The following CEP112 variants were observed in gnomAD, a reference collection of about 807,000 sequenced individuals.
CEP112 encodes centrosomal protein of 112 kDa.
In CEP112, 127 loss-of-function variants were observed where a neutral mutation model predicts 153.0. That is an observed-to-expected ratio of 0.83 (90% CI 0.72 to 0.96). The LOEUF is 0.96. CEP112 is among the 40% of genes least tolerant of loss of function. The probability of loss-of-function intolerance (pLI) is 0.00; values close to 1 mark genes in which losing one functional copy is unlikely to be tolerated. For missense variants in CEP112, 1,089 were observed against 1,101.2 expected (o/e 0.99, Z 0.16); for synonymous variants, 358 against 374.4 (o/e 0.96, Z 0.51).
chr17:65,731,222 A>T (rs1374340402), intron 23 of CEP112, among the ~76,000 whole-genome samples: 3 of 152,080 alleles, frequency 2.0e-5, no homozygotes, highest in Non-Finnish European at 1.5e-5. Context: ...CCGCGGAGAT[A>T]CTCCAAGTTC....
At chr17:66,090,816 A>C (rs2068104401) in intron 8 of CEP112, among the ~76,000 whole-genome samples, 1 of 152,104 alleles carries the variant, frequency 6.6e-6, no homozygotes, top group Admixed American at 6.5e-5. Context: ...ATGTTTAAGA[A>C]CCTACATAGA....
chr17:66,071,333 C>T (rs1310647937), intron 8 of CEP112, among the ~76,000 whole-genome samples: 1 of 152,012 alleles, frequency 6.6e-6, no homozygotes, highest in Non-Finnish European at 1.5e-5. Context: ...ATTTCTTCTT[C>T]GTTTTTGCAG....
At chr17:65,751,990 CT>C (rs2051890775) in intron 21 of CEP112, among the ~76,000 whole-genome samples, 2 of 144,610 alleles carry the variant, frequency 1.4e-5, no homozygotes, top group Admixed American at 1.4e-4. Context: ...ATCTATCTAT[CT>C]ATCTATCTAT....
chr17:65,929,243 AAAAGG>A (rs1367383279), intron 18 of CEP112, among the ~76,000 whole-genome samples: 1 of 152,192 alleles, frequency 6.6e-6, no homozygotes, highest in Non-Finnish European at 1.5e-5. Flanking sequence ...AGAAAGCGGA[AAAAGG>A]AAAAGTCAAA....
At chr17:66,050,555 ATT>A (rs1194994527) in intron 12 of CEP112, among the ~76,000 whole-genome samples, 1 of 152,230 alleles carries the variant, frequency 6.6e-6, no homozygotes, top group African/African-American at 2.4e-5. Flanking sequence ...AGATTTGGTC[ATT>A]TTTTATTTTA....
intron 1 of CEP112, among the ~76,000 whole-genome samples, chr17:66,187,095 C>T (rs2072966210): frequency 6.6e-6 from 1 of 152,126 alleles, no homozygotes; most frequent in South Asian, 2.1e-4. Context: ...CAAAATCTGC[C>T]TGCTTCTCTA....
intron 23 of CEP112, among the ~76,000 whole-genome samples, chr17:65,701,656 T>A (rs974834355): frequency 6.6e-6 from 1 of 152,266 alleles, no homozygotes; most frequent in East Asian, 1.9e-4. Context: ...CATCTCCAAC[T>A]GTCTCTCTTA....
chr17:66,154,003 GAA>G (rs59042292), intron 4 of CEP112, among the ~76,000 whole-genome samples: 51,683 of 134,392 alleles, frequency 0.38, 10,048 homozygotes, highest in Non-Finnish European at 0.46. Flanking sequence ...TCTCTACTAA[GAA>G]AAAAAAAAAA....
At chr17:65,784,265 G>A (rs2054153604) in intron 21 of CEP112, among the ~76,000 whole-genome samples, 4 of 152,202 alleles carry the variant, frequency 2.6e-5, no homozygotes, top group Admixed American at 2.6e-4. Flanking sequence ...GTGGAAACAA[G>A]ATATAACAGA....
intron 4 of CEP112, among the ~76,000 whole-genome samples, chr17:66,139,683 C>G (rs2070601893): frequency 6.6e-6 from 1 of 151,892 alleles, no homozygotes. Flanking sequence ...ATTGGATAAC[C>G]CAGATGAGAT....
chr17:65,791,676 A>G (rs767303069), intron 21 of CEP112, among the ~76,000 whole-genome samples: 12 of 152,234 alleles, frequency 7.9e-5, no homozygotes, highest in Non-Finnish European at 1.5e-4. Flanking sequence ...GAACAAAGAT[A>G]ATAACCATCA....
intron 21 of CEP112, among the ~76,000 whole-genome samples, chr17:65,761,741 T>C (rs1210439154): frequency 1.3e-5 from 2 of 152,156 alleles, no homozygotes; most frequent in Admixed American, 6.6e-5. Context: ...AGTTCCATTG[T>C]GGTCTGAGAT....
chr17:66,121,338 C>G (rs2069577034), intron 6 of CEP112, among the ~76,000 whole-genome samples: 1 of 151,800 alleles, frequency 6.6e-6, no homozygotes, highest in Admixed American at 6.6e-5. Flanking sequence ...CTAAGTGTGA[C>G]TCTTTGTATT....
At chr17:66,036,743 T>G (rs1372699810) in intron 12 of CEP112, among the ~76,000 whole-genome samples, 1 of 152,222 alleles carries the variant, frequency 6.6e-6, no homozygotes, top group African/African-American at 2.4e-5. Context: ...CCTATTCCAC[T>G]GCATTACATC....
intron 21 of CEP112, among the ~76,000 whole-genome samples, chr17:65,822,710 C>T (rs1486486154): frequency 6.6e-6 from 1 of 152,028 alleles, no homozygotes; most frequent in Non-Finnish European, 1.5e-5. Flanking sequence ...TTCCAAAATT[C>T]ACCAGTTTAT....
intron 5 of CEP112, among the ~76,000 whole-genome samples, chr17:66,131,855 G>A (rs2146538646): frequency 6.6e-6 from 1 of 151,812 alleles, no homozygotes; most frequent in Middle Eastern, 3.5e-3. Flanking sequence ...GGAATAAGCA[G>A]GCACAGTGTT....
At chr17:66,064,434 A>C (rs944564898) in intron 10 of CEP112, among the ~76,000 whole-genome samples, 2 of 152,194 alleles carry the variant, frequency 1.3e-5, no homozygotes, top group African/African-American at 4.8e-5. Context: ...TTTAAGTGAA[A>C]ATGTGTTTAA....
chr17:65,883,677 A>G (rs1598879477), intron 20 of CEP112, among the ~76,000 whole-genome samples: 1 of 152,120 alleles, frequency 6.6e-6, no homozygotes, highest in South Asian at 2.1e-4. Context: ...AGAAGTTTAT[A>G]TTTTACTCTA....
intron 21 of CEP112, among the ~76,000 whole-genome samples, chr17:65,831,715 A>G (rs2057088734): frequency 6.6e-6 from 1 of 152,190 alleles, no homozygotes; most frequent in South Asian, 2.1e-4. Flanking sequence ...AGATAATACA[A>G]TAATAGAACT....
Sources: gnomAD v4.1 joint callset for allele counts (sites outside exome capture counted in the v4.1 genomes callset) on GRCh38, gnomAD v4.1.1 for gene constraint, MANE v1.5 for transcripts, NCBI Gene and HGNC (gene_info 2026-07-23, HGNC 2026-07-21) for gene names.